The following ZNF254 variants were observed in gnomAD, a reference collection of about 807,000 sequenced individuals.
ZNF254 encodes the protein CTD-2017D11.1.
Under a neutral mutation model 12.4 loss-of-function variants are expected in ZNF254, and 10 were observed. The observed-to-expected ratio is 0.80, with a 90% CI of 0.50 to 1.36. The LOEUF (loss-of-function observed/expected upper bound fraction) is 1.36. ZNF254 is among the 40% of genes most tolerant of loss of function. ZNF254 has a pLI of 0.00. For synonymous variants in ZNF254, 305 were observed against 253.4 expected (o/e 1.20, Z -1.93); for missense variants, 996 against 763.9 (o/e 1.30, Z -3.58).
At chr19:24,122,971 C>T (rs1245007249) in intron 3 of ZNF254, among the ~76,000 whole-genome samples, 1 of 151,428 alleles carries the variant, frequency 6.6e-6, no homozygotes, top group Admixed American at 6.6e-5. Flanking sequence ...ACTTTAATGC[C>T]TCCAGCATTG....
intron 1 of ZNF254, among the ~76,000 whole-genome samples, chr19:24,093,772 C>G (rs1232245788): frequency 6.6e-6 from 1 of 151,620 alleles, no homozygotes; most frequent in Non-Finnish European, 1.5e-5. Context: ...TATTCAGACT[C>G]TTTGGTTTTA....
chr19:24,040,399 A>T (rs1970112531), intron 1 of ZNF254, among the ~76,000 whole-genome samples: 1 of 152,212 alleles, frequency 6.6e-6, no homozygotes, highest in Non-Finnish European at 1.5e-5. Context: ...TACATTTTAC[A>T]CAGCAACCTG....
intron 2 of ZNF254, among the ~76,000 whole-genome samples, chr19:24,052,814 T>C (rs1001285409): frequency 6.6e-6 from 1 of 152,144 alleles, no homozygotes; most frequent in Non-Finnish European, 1.5e-5. Context: ...TTATCCAAAC[T>C]TATAGGGGCA....
chr19:24,110,004 C>T (rs1439975821), intron 3 of ZNF254, among the ~76,000 whole-genome samples: 1 of 151,884 alleles, frequency 6.6e-6, no homozygotes, highest in Admixed American at 6.6e-5. Context: ...GCTGGGATTA[C>T]AGGCATGAGC....
At chr19:24,087,402 C>T in intron 1 of ZNF254, 65 bp downstream of exon 1, 1 of 1,606,594 alleles carries the variant, frequency 6.2e-7, no homozygotes, top group Non-Finnish European at 8.5e-7. Flanking sequence ...TGGGAAGCGG[C>T]TGTGGCGGGA....
intron 2 of ZNF254, among the ~76,000 whole-genome samples, chr19:24,081,458 CTGATA>C (rs1971842407): frequency 6.6e-6 from 1 of 152,156 alleles, no homozygotes; most frequent in Non-Finnish European, 1.5e-5. Flanking sequence ...TCCAATTAAC[CTGATA>C]TGAGGTGCTA....
chr19:24,034,785 C>CTTTTT (rs57891281), intron 1 of ZNF254, among the ~76,000 whole-genome samples: 1 of 141,604 alleles, frequency 7.1e-6, no homozygotes, highest in East Asian at 2.1e-4. Context: ...CAAGAAGTTA[C>CTTTTT]TTTTTTTTTT....
intron 1 of ZNF254, among the ~76,000 whole-genome samples, chr19:24,092,590 A>G (rs767332187): frequency 6.6e-6 from 1 of 152,010 alleles, no homozygotes; most frequent in Non-Finnish European, 1.5e-5. Flanking sequence ...CATGTTGCTC[A>G]GGCTGGTCTC....
At chr19:24,100,314 A>ACTC (rs1972936161) in intron 1 of ZNF254, among the ~76,000 whole-genome samples, 1 of 151,904 alleles carries the variant, frequency 6.6e-6, no homozygotes, top group Non-Finnish European at 1.5e-5. Context: ...AATTGCAGGT[A>ACTC]ACAACTGCTG....
In ZNF254 at chr19:24,074,226, C is replaced by A. The variant is rs192285859; in HGVS notation, c.-94+27947C>A. Among the ~76,000 whole-genome samples the A allele has an allele frequency of 5.1e-3, 741 of 146,270 alleles. 10 individuals carry two copies. The highest frequency in any genetic ancestry group is 0.017 in the African/African-American group (708 of 41,110). The stretch of plus-strand genomic sequence containing the variant: ...TACCAATCACCAAGGTAATGTGACT[C>A]TCTTATTCTACCAGGTCCCTGCACA... On this transcript the variant is annotated intron_variant, in intron 2 of 4. Transcript: ENST00000613065.
chr19:24,110,857 T>G (rs181003696), intron 3 of ZNF254, among the ~76,000 whole-genome samples: 40 of 152,246 alleles, frequency 2.6e-4, no homozygotes, highest in African/African-American at 9.4e-4. Context: ...GACAAGATTT[T>G]TTTTTTTCAC....
chr19:24,116,490 G>C (rs571723836), intron 3 of ZNF254, among the ~76,000 whole-genome samples: 143 of 152,022 alleles, frequency 9.4e-4, no homozygotes, highest in African/African-American at 3.4e-3. Context: ...GATTGCATCA[G>C]CTCCTGAGGC....
chr19:24,122,958 A>T (rs779394634), intron 3 of ZNF254, among the ~76,000 whole-genome samples: 3 of 151,386 alleles, frequency 2.0e-5, no homozygotes, highest in Admixed American at 1.3e-4. Context: ...GATTTAATCA[A>T]GAACTTTAAT....
At chr19:24,091,194 CTG>C in intron 1 of ZNF254, among the ~76,000 whole-genome samples, 1 of 151,898 alleles carries the variant, frequency 6.6e-6, no homozygotes, top group African/African-American at 2.4e-5. Flanking sequence ...ATCCGCCCGC[CTG>C]GGCCTCCCAA....
chr19:24,097,130 T>G (rs1402784941), intron 1 of ZNF254, among the ~76,000 whole-genome samples: 3 of 152,062 alleles, frequency 2.0e-5, no homozygotes, highest in Non-Finnish European at 4.4e-5. Context: ...CTTTTGTCAT[T>G]TTTTTTGACT....
upstream of ZNF254, among the ~76,000 whole-genome samples, chr19:24,082,995 G>A (rs145514123): frequency 1.1e-4 from 17 of 152,200 alleles, no homozygotes; most frequent in East Asian, 5.8e-4. Context: ...AATAAGTAGC[G>A]AGCCTCCAAG....
intron 2 of ZNF254, among the ~76,000 whole-genome samples, chr19:24,051,555 C>T (rs1970647577): frequency 1.3e-5 from 2 of 152,116 alleles, no homozygotes; most frequent in Non-Finnish European, 1.5e-5. Context: ...TTCATCTCTG[C>T]ACAAAAAGGG....
In ZNF254 at chr19:24,127,933, C is replaced by G. The variant is rs1975017214; in HGVS notation, c.1933C>G (p.Leu645Val). ...CAAAGCCTTTAATCGGTCCTCGCACCTCACCACAGATAAGATAACTCATTG... is the reference window on the plus strand; with the variant it reads ...CAAAGCCTTTAATCGGTCCTCGCACGTCACCACAGATAAGATAACTCATTG... ...FGKAFNRSSH[L>V]TTDKITHWRE... The change falls in exon 4 of 4, where the codon CTC (leucine) becomes GTC (valine). Residue 645 changes from leucine to valine, a missense_variant. Physicochemically the swap from Leu to Val is conservative, Grantham distance 32 (BLOSUM62 1). Coordinates refer to ENST00000357002, the MANE Select transcript of ZNF254 (RefSeq NM_203282.4). 2 of 1,598,088 alleles carry G rather than the reference C, an allele frequency of 1.3e-6. No homozygotes were observed. The highest frequency in any genetic ancestry group is 1.7e-6 in the Non-Finnish European group (2 of 1,173,964).
At chr19:24,081,844 T>C (rs570453957) in intron 2 of ZNF254, among the ~76,000 whole-genome samples, 2 of 152,290 alleles carry the variant, frequency 1.3e-5, no homozygotes, top group African/African-American at 4.8e-5. Flanking sequence ...ATAATTCCGA[T>C]GGGTACAGTA....
Sources: gnomAD v4.1 joint callset for allele counts (sites outside exome capture counted in the v4.1 genomes callset) on GRCh38, gnomAD v4.1.1 for gene constraint, MANE v1.5 for transcripts, NCBI Gene and HGNC (gene_info 2026-07-23, HGNC 2026-07-21) for gene names.